The following GPC5 variants were observed in gnomAD, a reference collection of about 807,000 sequenced individuals.
GPC5 encodes the protein glypican-5.
Under a neutral mutation model 53.9 loss-of-function variants are expected in GPC5, and 47 were observed. That is an observed-to-expected ratio of 0.87 (90% CI 0.69 to 1.11). The LOEUF is 1.11. Ranked by LOEUF, GPC5 falls within the 50% of genes most tolerant of loss-of-function variation. The pLI is 0.00. For synonymous variants in GPC5, 286 were observed against 263.3 expected, an observed-to-expected ratio of 1.09 and a Z score of -0.84; for missense variants, 748 against 713.1, an observed-to-expected ratio of 1.05 and a Z score of -0.56.
chr13:92,081,092 T>G (rs2041291376), intron 6 of GPC5, among the ~76,000 whole-genome samples: 1 of 152,188 alleles, frequency 6.6e-6, no homozygotes, highest in South Asian at 2.1e-4. Context: ...CACTGGTATA[T>G]GTCTTTCAAC....
chr13:92,358,462 G>A (rs2043540254), intron 7 of GPC5, among the ~76,000 whole-genome samples: 1 of 151,654 alleles, frequency 6.6e-6, no homozygotes, highest in Non-Finnish European at 1.5e-5. Flanking sequence ...AGCTCTAGTA[G>A]GCCGTGCCCC....
chr13:92,742,429 GTTGT>G (rs1056673429), intron 7 of GPC5, among the ~76,000 whole-genome samples: 3 of 152,080 alleles, frequency 2.0e-5, no homozygotes, highest in African/African-American at 7.2e-5. Flanking sequence ...TTTTCATGGG[GTTGT>G]TTGTTTTTTT....
intron 2 of GPC5, among the ~76,000 whole-genome samples, chr13:91,450,096 TAA>T (rs1165052574): frequency 6.6e-6 from 1 of 152,172 alleles, no homozygotes; most frequent in African/African-American, 2.4e-5. Context: ...GAATAAAATT[TAA>T]GTTAAAGTGT....
intron 7 of GPC5, among the ~76,000 whole-genome samples, chr13:92,451,014 T>C (rs989660730): frequency 3.3e-5 from 5 of 152,202 alleles, no homozygotes; most frequent in Non-Finnish European, 7.4e-5. Context: ...AAATATTGAC[T>C]CTTGAGAATC....
intron 7 of GPC5, among the ~76,000 whole-genome samples, chr13:92,162,450 GGGAACACACA>G (rs2041996886): frequency 6.6e-6 from 1 of 152,150 alleles, no homozygotes; most frequent in East Asian, 1.9e-4. Context: ...CAGATCTTGT[GGGAACACACA>G]GGAAGGTATC....
chr13:92,365,732 T>G (rs2139287535), intron 7 of GPC5, among the ~76,000 whole-genome samples: 1 of 151,158 alleles, frequency 6.6e-6, no homozygotes, highest in Admixed American at 6.6e-5. Flanking sequence ...AAGTCTACAC[T>G]GGGTCAGGAT....
intron 6 of GPC5, among the ~76,000 whole-genome samples, chr13:92,053,724 T>C (rs2041049755): frequency 6.6e-6 from 1 of 151,944 alleles, no homozygotes; most frequent in South Asian, 2.1e-4. Flanking sequence ...TTCATTGCCT[T>C]ATGGAATTAA....
intron 5 of GPC5, among the ~76,000 whole-genome samples, chr13:91,875,298 T>A (rs1188943739): frequency 1.3e-5 from 2 of 152,248 alleles, no homozygotes; most frequent in African/African-American, 4.8e-5. Context: ...CTTCCCCGTG[T>A]AGTAACTTCT....
Position 91,399,074 on chromosome 13 carries a change from T to A in GPC5, c.28T>A (p.Phe10Ile). The change falls in exon 1 of 8, where the codon TTT (phenylalanine) becomes ATT (isoleucine). Residue 10 changes from phenylalanine to isoleucine, a missense_variant. By Grantham distance (21) the Phe-to-Ile change is conservative. Coordinates refer to ENST00000377067, the MANE Select transcript of GPC5 (RefSeq NM_004466.6). MDAQTWPVGFRCLLLLALVG... is the reference protein window; with the variant it reads MDAQTWPVGIRCLLLLALVG... ...GGACGCACAGACCTGGCCCGTGGGC[T>A]TTCGCTGCCTCCTCCTTCTGGCCCT... 1.9e-6 allele frequency: 3 copies of A among 1,576,336 alleles called. No homozygotes were observed. The highest frequency in any genetic ancestry group is 2.6e-6 in the Non-Finnish European group (3 of 1,161,394).
chr13:92,552,157 A>C (rs1043840955), intron 7 of GPC5, among the ~76,000 whole-genome samples: 1 of 151,888 alleles, frequency 6.6e-6, no homozygotes, highest in Admixed American at 6.6e-5. Flanking sequence ...ATTTAAAGTA[A>C]GTGTGAAGAG....
chr13:91,632,764 A>C (rs983456736), intron 2 of GPC5, among the ~76,000 whole-genome samples: 1 of 152,098 alleles, frequency 6.6e-6, no homozygotes, highest in Admixed American at 6.6e-5. Context: ...AAACAATCAA[A>C]AGCTGTTGAA....
At chr13:92,008,243 T>C (rs1182830666) in intron 6 of GPC5, among the ~76,000 whole-genome samples, 2 of 151,950 alleles carry the variant, frequency 1.3e-5, no homozygotes, top group Non-Finnish European at 2.9e-5. Context: ...TTTGTATTTT[T>C]AGTAGAGACG....
In GPC5 at chr13:91,592,391, C is replaced by T. The variant is rs74105092; in HGVS notation, c.326-100796C>T. The stretch of plus-strand genomic sequence containing the variant: ...GGTCTGCTCCCGAGCCTTGTCAGAG[C>T]CCCCTGCAACCACTGGCACTGTGCC... On this transcript the variant is annotated intron_variant, in intron 2 of 7. Transcript: ENST00000377067. Among the ~76,000 whole-genome samples, 1,336 of 152,168 alleles carry T rather than the reference C, an allele frequency of 8.8e-3. 21 individuals carry two copies. Among genetic ancestry groups the T allele is most frequent in the African/African-American group, 0.03 (1,255 of 41,524 alleles).
chr13:92,581,944 G>T (rs1167907747), intron 7 of GPC5, among the ~76,000 whole-genome samples: 1 of 151,842 alleles, frequency 6.6e-6, no homozygotes, highest in Non-Finnish European at 1.5e-5. Context: ...ATATATTTTG[G>T]ATATCAACGC....
chr13:92,593,681 G>A (rs977520945), intron 7 of GPC5, among the ~76,000 whole-genome samples: 5 of 152,022 alleles, frequency 3.3e-5, no homozygotes, highest in Non-Finnish European at 7.4e-5. Flanking sequence ...AGAAGGACAT[G>A]GTGAAGGAGA....
At chr13:92,385,203 C>A (rs2043782074) in intron 7 of GPC5, among the ~76,000 whole-genome samples, 1 of 151,152 alleles carries the variant, frequency 6.6e-6, no homozygotes, top group African/African-American at 2.4e-5. Context: ...TATATAAATA[C>A]ATTTTATTAT....
At chr13:91,877,980 C>T (rs1182365368) in intron 5 of GPC5, among the ~76,000 whole-genome samples, 1 of 152,130 alleles carries the variant, frequency 6.6e-6, no homozygotes, top group Non-Finnish European at 1.5e-5. Context: ...GCTTTTGCTT[C>T]TTCTCCCATT....
chr13:91,642,366 T>C (rs1594369968), intron 2 of GPC5, among the ~76,000 whole-genome samples: 1 of 152,198 alleles, frequency 6.6e-6, no homozygotes, highest in South Asian at 2.1e-4. Context: ...ACGATAGGCC[T>C]GAGGATGAAA....
At chr13:92,601,694 TAAA>T (rs1325173858) in intron 7 of GPC5, among the ~76,000 whole-genome samples, 1 of 151,830 alleles carries the variant, frequency 6.6e-6, no homozygotes, top group Non-Finnish European at 1.5e-5. Flanking sequence ...GAAAATATAA[TAAA>T]ATGCTTTATA....
Sources: gnomAD v4.1 joint callset for allele counts (sites outside exome capture counted in the v4.1 genomes callset) on GRCh38, gnomAD v4.1.1 for gene constraint, MANE v1.5 for transcripts, NCBI Gene and HGNC (gene_info 2026-07-23, HGNC 2026-07-21) for gene names.